Variants in LARGE1 observed in about 807,000 individuals in gnomAD.
LARGE1 encodes LARGE xylosyl- and glucuronyltransferase 1.
Under a neutral mutation model 87.6 loss-of-function variants are expected in LARGE1, and 43 were observed. That is an observed-to-expected ratio of 0.49 (90% CI 0.38 to 0.63). LARGE1 has a LOEUF of 0.63. LARGE1 is among the 30% of genes least tolerant of loss of function. The pLI is 0.00. For missense variants in LARGE1, 802 were observed against 1,000.2 expected, an observed-to-expected ratio of 0.80 and a Z score of 2.67; for synonymous variants, 434 against 394.6, an observed-to-expected ratio of 1.10 and a Z score of -1.18.
At chr22:33,429,340 A>G (rs1333128916) in intron 7 of LARGE1, among the ~76,000 whole-genome samples, 5 of 152,164 alleles carry the variant, frequency 3.3e-5, no homozygotes, top group Non-Finnish European at 7.3e-5. Flanking sequence ...TGGACACATC[A>G]CTTCAACAGG....
chr22:33,577,911 G>T (rs2078399927), intron 5 of LARGE1, among the ~76,000 whole-genome samples: 1 of 152,218 alleles, frequency 6.6e-6, no homozygotes, highest in South Asian at 2.1e-4. Flanking sequence ...CTTGTCAATG[G>T]CAGTCCAAAT....
intron 11 of LARGE1, among the ~76,000 whole-genome samples, chr22:33,242,625 T>C (rs1157051557): frequency 6.6e-6 from 1 of 152,206 alleles, no homozygotes; most frequent in Non-Finnish European, 1.5e-5. Flanking sequence ...TATGTTTTTC[T>C]CACAGGGTCT....
At chr22:33,243,555 T>C (rs1926618542) in intron 11 of LARGE1, among the ~76,000 whole-genome samples, 1 of 152,250 alleles carries the variant, frequency 6.6e-6, no homozygotes, top group Non-Finnish European at 1.5e-5. Context: ...GTGAGAGTCA[T>C]CCATTTTATG....
the LARGE1 span, among the ~76,000 whole-genome samples, chr22:33,141,736 C>T: frequency 1.3e-5 from 2 of 152,042 alleles, no homozygotes; most frequent in African/African-American, 4.8e-5. Flanking sequence ...TGTGAAGGCA[C>T]CAGGTATGCT....
chr22:33,730,796 G>T (rs1055917846), intron 2 of LARGE1, among the ~76,000 whole-genome samples: 2 of 151,472 alleles, frequency 1.3e-5, no homozygotes, highest in African/African-American at 4.9e-5. Context: ...TGGTTCAAGC[G>T]ATTCTTTTGC....
At chr22:33,578,797 A>G (rs535019484) in intron 5 of LARGE1, among the ~76,000 whole-genome samples, 3 of 152,326 alleles carry the variant, frequency 2.0e-5, no homozygotes, top group African/African-American at 7.2e-5. Flanking sequence ...TTCTTAGAAC[A>G]TAGCAAAATT....
intron 2 of LARGE1, among the ~76,000 whole-genome samples, chr22:33,678,611 C>T (rs1266859997): frequency 6.6e-6 from 1 of 152,180 alleles, no homozygotes; most frequent in Non-Finnish European, 1.5e-5. Flanking sequence ...GTTCTATTTT[C>T]AGCACTGGCA....
chr22:33,669,852 A>G (rs1349830094), intron 2 of LARGE1, among the ~76,000 whole-genome samples: 1 of 152,276 alleles, frequency 6.6e-6, no homozygotes, highest in African/African-American at 2.4e-5. Flanking sequence ...ATTTCTCAAC[A>G]GAGACATGCA....
intron 11 of LARGE1, among the ~76,000 whole-genome samples, chr22:33,239,519 T>C (rs1025554838): frequency 6.7e-6 from 1 of 148,906 alleles, no homozygotes; most frequent in Admixed American, 6.8e-5. Context: ...CGCCTTACTA[T>C]TTCTTTTTTT....
At chr22:33,905,062 CTTTTTTT>C (rs71187290) in intron 1 of LARGE1, among the ~76,000 whole-genome samples, 2 of 118,858 alleles carry the variant, frequency 1.7e-5, no homozygotes, top group Non-Finnish European at 3.5e-5. Flanking sequence ...TTTTTAATTC[CTTTTTTT>C]TTTTTTTTTT....
chr22:33,288,792 C>T (rs1309929388), intron 12 of LARGE1, among the ~76,000 whole-genome samples: 1 of 152,138 alleles, frequency 6.6e-6, no homozygotes, highest in Non-Finnish European at 1.5e-5. Flanking sequence ...CCTACATGGG[C>T]CTGAGCTGAC....
chr22:33,852,238 T>G (rs975899273), intron 1 of LARGE1, among the ~76,000 whole-genome samples: 1 of 152,126 alleles, frequency 6.6e-6, no homozygotes, highest in Non-Finnish European at 1.5e-5. Flanking sequence ...TGAGCCAACG[T>G]TGAAAGGTCA....
At chr22:33,533,639 C>CTGG (rs2076958815) in intron 6 of LARGE1, among the ~76,000 whole-genome samples, 1 of 152,148 alleles carries the variant, frequency 6.6e-6, no homozygotes, top group Non-Finnish European at 1.5e-5. Flanking sequence ...CCAGCAACTG[C>CTGG]ACTCAATAAA....
At chr22:33,318,756 A>G (rs368153871) in intron 10 of LARGE1, among the ~76,000 whole-genome samples, 1 of 152,050 alleles carries the variant, frequency 6.6e-6, no homozygotes, top group African/African-American at 2.4e-5. Flanking sequence ...TTAAAAAAAA[A>G]TGATAATTTG....
At chr22:33,562,730 C>T (rs1054629718) in intron 6 of LARGE1, among the ~76,000 whole-genome samples, 6 of 152,116 alleles carry the variant, frequency 3.9e-5, no homozygotes, top group South Asian at 2.1e-4. Context: ...GGCTACAGAG[C>T]GCCACTAGCA....
At chr22:33,246,640 C>A (rs1926773620) in intron 11 of LARGE1, among the ~76,000 whole-genome samples, 1 of 152,102 alleles carries the variant, frequency 6.6e-6, no homozygotes, top group Non-Finnish European at 1.5e-5. Context: ...AGCGAGACTC[C>A]ATCTAAAAAA....
chr22:33,824,325 T>C (rs1028381006), intron 1 of LARGE1, among the ~76,000 whole-genome samples: 1 of 152,066 alleles, frequency 6.6e-6, no homozygotes, highest in Non-Finnish European at 1.5e-5. Flanking sequence ...AAACTTACAA[T>C]CATGGCAGAA....
At chr22:33,822,298 T>G (rs557123033) in intron 1 of LARGE1, among the ~76,000 whole-genome samples, 1 of 152,310 alleles carries the variant, frequency 6.6e-6, no homozygotes, top group East Asian at 1.9e-4. Context: ...GGTCAGATTG[T>G]CACTTCTTGC....
At position 33,277,051 on chromosome 22, in the gene LARGE1, T is replaced by A. The variant is rs1244124418; in HGVS notation, c.2073+9A>T. 1 of 1,613,870 alleles carries A rather than the reference T, an allele frequency of 6.2e-7. No homozygotes were observed. Among genetic ancestry groups the A allele is most frequent in the African/African-American group, 1.3e-5 (1 of 74,940 alleles). On this transcript the variant is annotated intron_variant, in intron 14 of 14. Transcript: ENST00000397394. Reference sequence around the variant, plus strand: ...CGACCATACCAGGTGGATGCTCCGTTCTTCTCACCTGCACATCCAGCTCCA... The same window carrying A: ...CGACCATACCAGGTGGATGCTCCGTACTTCTCACCTGCACATCCAGCTCCA...
Sources: allele counts gnomAD v4.1 joint callset (sites outside exome capture counted in the v4.1 genomes callset), GRCh38; gene constraint gnomAD v4.1.1; transcripts MANE v1.5; gene names NCBI Gene and HGNC (gene_info 2026-07-23, HGNC 2026-07-21).